IFT43: variants seen among roughly 807,000 people sequenced by gnomAD.
IFT43 encodes intraflagellar transport 43.
Under a neutral mutation model 32.3 loss-of-function variants are expected in IFT43, and 33 were observed. That is an observed-to-expected ratio of 1.02 (90% CI 0.77 to 1.37). The LOEUF (loss-of-function observed/expected upper bound fraction) is 1.37. Among genes scored for constraint, IFT43 ranks in the 40% most tolerant of loss-of-function variants. The pLI, the probability that IFT43 is intolerant of heterozygous loss-of-function variation, is 0.00. For synonymous variants in IFT43, 93 were observed against 98.2 expected (o/e 0.95, Z 0.31); for missense variants, 274 against 265.9 (o/e 1.03, Z -0.21).
rs933803493 is a variant in IFT43 at position 75,986,447 on chromosome 14, A to T, written c.54+607A>T. ...GAGCATAGAGCTGTTGCCTGGGTTC[A>T]AAAAAAAAAAAAAAACCTAAAAAAC... On this transcript the variant is annotated intron_variant, in intron 1 of 8. Coordinates refer to ENST00000314067, the MANE Select transcript of IFT43 (RefSeq NM_001102564.3). 2.0e-4 allele frequency: 8 copies of T among 39,138 alleles called. No homozygotes were observed. In the East Asian group the frequency reaches 5.9e-3, roughly 29 times the overall value. 2.4% of individuals were successfully genotyped at this position (39,138 alleles called of 1,614,324 possible).
chr14:76,025,471 A>C (rs2036373445), intron 3 of IFT43, among the ~76,000 whole-genome samples: 1 of 152,188 alleles, frequency 6.6e-6, no homozygotes, highest in Admixed American at 6.5e-5. Context: ...GGAACAAAAA[A>C]GGGCCCAAAT....
chr14:76,083,495 A>G lies in IFT43; in HGVS notation c.545A>G (p.Glu182Gly). 1 of 1,614,116 alleles carries G rather than the reference A, an allele frequency of 6.2e-7. No individual in the cohort carries two copies. The highest frequency in any genetic ancestry group is 1.7e-5 in the Admixed American group (1 of 60,028). The change falls in exon 9 of 9, where the codon GAG becomes GGG. Residue 182 changes from glutamate to glycine, a missense_variant. Transcript: ENST00000314067. ...VGWDWDHLFTEVSSEVLTEWD... is the reference protein window; with the variant it reads ...VGWDWDHLFTGVSSEVLTEWD... ...TGGGACTGGGACCATCTGTTCACTGAGGTGTCCTCAGAGGTCCTCACTGAG... is the reference window on the plus strand; with the variant it reads ...TGGGACTGGGACCATCTGTTCACTGGGGTGTCCTCAGAGGTCCTCACTGAG...
intron 3 of IFT43, among the ~76,000 whole-genome samples, chr14:76,043,499 C>T (rs1010504318): frequency 6.6e-6 from 1 of 152,018 alleles, no homozygotes; most frequent in African/African-American, 2.4e-5. Context: ...CGGAGTCTCG[C>T]TCTGTCGCCC....
At chr14:76,003,382 C>G (rs1359638994) in intron 2 of IFT43, among the ~76,000 whole-genome samples, 2 of 152,068 alleles carry the variant, frequency 1.3e-5, no homozygotes, top group East Asian at 3.9e-4. Context: ...CAGCACAGCA[C>G]TTTGGGAGGC....
chr14:75,989,600 C>T (rs775593541), intron 2 of IFT43, among the ~76,000 whole-genome samples: 2 of 152,238 alleles, frequency 1.3e-5, no homozygotes, highest in African/African-American at 2.4e-5. Flanking sequence ...GGGTCATCCT[C>T]TGCCAGAAGT....
intron 5 of IFT43, among the ~76,000 whole-genome samples, chr14:76,067,040 A>G (rs1329673889): frequency 6.6e-6 from 1 of 152,174 alleles, no homozygotes; most frequent in East Asian, 1.9e-4. Flanking sequence ...CAGTGAGGAA[A>G]TGCCCTTCCT....
intron 3 of IFT43, among the ~76,000 whole-genome samples, chr14:76,027,239 A>G (rs1478185272): frequency 6.6e-6 from 1 of 152,124 alleles, no homozygotes. Flanking sequence ...TAAAAGTTAA[A>G]TTAAAAAAAA....
chr14:76,029,266 T>G (rs956073624), intron 3 of IFT43, among the ~76,000 whole-genome samples: 3 of 152,248 alleles, frequency 2.0e-5, no homozygotes, highest in Non-Finnish European at 4.4e-5. Flanking sequence ...ATGTCTTCTT[T>G]TGAGAAGTGT....
At chr14:76,021,134 G>T (rs1247088960) in intron 2 of IFT43, among the ~76,000 whole-genome samples, 1 of 151,982 alleles carries the variant, frequency 6.6e-6, no homozygotes, top group Non-Finnish European at 1.5e-5. Context: ...TGCTGGCAGT[G>T]GTGGTGGTGG....
intron 2 of IFT43, among the ~76,000 whole-genome samples, chr14:76,019,137 A>G (rs2036244063): frequency 6.6e-6 from 1 of 151,724 alleles, no homozygotes; most frequent in South Asian, 2.1e-4. Context: ...TGAAGTGGTA[A>G]TGTTTGAATT....
At position 76,083,034 on chromosome 14, in the gene IFT43, G is replaced by A. The variant is rs7161722; in HGVS notation, c.445-193G>A. Among the ~76,000 whole-genome samples the A allele has an allele frequency of 0.66, 100,937 of 151,882 alleles. 34,156 individuals are homozygous for A. The highest frequency in any genetic ancestry group is 0.73 in the Non-Finnish European group (49,737 of 67,950). On this transcript the variant is annotated intron_variant, in intron 7 of 8. Coordinates refer to ENST00000314067, the MANE Select transcript of IFT43 (RefSeq NM_001102564.3). ...TTGCCCCAAAGCACGCCCAGCATGT[G>A]GGAAGCATAGCCTTCCCTCATTTCT...
chr14:76,068,077 A>AGT (rs1473857135), intron 5 of IFT43, among the ~76,000 whole-genome samples: 1 of 152,202 alleles, frequency 6.6e-6, no homozygotes, highest in Non-Finnish European at 1.5e-5. Context: ...ACAACAGTTT[A>AGT]GTGGATGGCA....
At chr14:76,002,981 A>T (rs2035918461) in intron 2 of IFT43, among the ~76,000 whole-genome samples, 1 of 152,244 alleles carries the variant, frequency 6.6e-6, no homozygotes, top group Admixed American at 6.5e-5. Context: ...TTGTGATCAG[A>T]AAGCTTCATT....
intron 3 of IFT43, 63 bp downstream of exon 3, chr14:76,022,457 C>A (rs1199214445): frequency 2.1e-6 from 2 of 949,184 alleles, no homozygotes; most frequent in African/African-American, 3.3e-5. Flanking sequence ...GACTTTGCTC[C>A]TGTGTTGTTT....
At chr14:76,014,743 A>T (rs2036151163) in intron 2 of IFT43, among the ~76,000 whole-genome samples, 3 of 152,170 alleles carry the variant, frequency 2.0e-5, no homozygotes, top group Admixed American at 2.0e-4. Flanking sequence ...ATGCATGCTT[A>T]TCAGAGCAGC....
Position 75,990,778 on chromosome 14 carries a change from C to T in IFT43, c.147+1801C>T, listed in dbSNP as rs186360615. ...GTGGTGTATGTATTTAAAGAGAAAA[C>T]GCGGAAGCAAATGACTGAGCTGATG... is the stretch of plus-strand genomic sequence containing the variant. On this transcript the variant is annotated intron_variant, in intron 2 of 8. Coordinates refer to ENST00000314067, the MANE Select transcript of IFT43 (RefSeq NM_001102564.3). 4.6e-5 allele frequency among the ~76,000 whole-genome samples: 7 copies of T among 152,290 alleles called. No individual in the cohort carries two copies. In the East Asian group the frequency reaches 1.2e-3, roughly 25 times the overall value.
intron 3 of IFT43, among the ~76,000 whole-genome samples, chr14:76,042,870 G>A (rs1252423135): frequency 6.6e-6 from 1 of 152,332 alleles, no homozygotes; most frequent in South Asian, 2.1e-4. Flanking sequence ...GTAGCCCAGA[G>A]CGAGGCACTC....
chr14:76,036,010 C>T (rs988659131), intron 3 of IFT43, among the ~76,000 whole-genome samples: 4 of 152,172 alleles, frequency 2.6e-5, no homozygotes, highest in African/African-American at 4.8e-5. Context: ...GATGTGAACA[C>T]GCTTTATCCT....
At chr14:76,038,560 A>G (rs2036647163) in intron 3 of IFT43, among the ~76,000 whole-genome samples, 2 of 152,168 alleles carry the variant, frequency 1.3e-5, no homozygotes, top group South Asian at 2.1e-4. Context: ...GAAGAGCTAG[A>G]TAAGTTTTTA....
Sources: allele counts gnomAD v4.1 joint callset (sites outside exome capture counted in the v4.1 genomes callset), GRCh38; gene constraint gnomAD v4.1.1; transcripts MANE v1.5; gene names NCBI Gene and HGNC (gene_info 2026-07-23, HGNC 2026-07-21).